ZFHX3: variants seen among roughly 807,000 people sequenced by gnomAD.
The protein encoded by ZFHX3 is zinc finger homeobox 3.
ZFHX3 carries 42 observed loss-of-function variants against 279.1 expected under a neutral mutation model. The ratio of observed to expected loss-of-function variants is 0.15; its 90% CI spans 0.12 to 0.19. ZFHX3 has a LOEUF of 0.19. ZFHX3 is among the 10% of genes least tolerant of loss of function. ZFHX3 has a pLI of 1.00. For synonymous variants in ZFHX3, 2,293 were observed against 1,957.8 expected (o/e 1.17, Z -4.52); for missense variants, 4,981 against 4,754.0 (o/e 1.05, Z -1.40).
chr16:73,545,813 T>A (rs1432747197), intron 2 of ZFHX3, among the ~76,000 whole-genome samples: 1 of 151,896 alleles, frequency 6.6e-6, no homozygotes, highest in African/African-American at 2.4e-5. Context: ...AAAAAAAGTT[T>A]TCCCCTAAAA....
At chr16:73,081,899 C>T (rs1307658796) in intron 8 of ZFHX3, among the ~76,000 whole-genome samples, 1 of 149,694 alleles carries the variant, frequency 6.7e-6, no homozygotes, top group African/African-American at 2.5e-5. Flanking sequence ...TGCGGTGGCA[C>T]GATCTTGGCT....
At chr16:73,856,047 T>C (rs1286070131) in intron 1 of ZFHX3, among the ~76,000 whole-genome samples, 1 of 152,208 alleles carries the variant, frequency 6.6e-6, no homozygotes, top group Non-Finnish European at 1.5e-5. Flanking sequence ...AACATGTACT[T>C]AGTACCATGG....
Position 72,798,133 on chromosome 16 carries a change from A to C in ZFHX3, c.4549T>G (p.Ser1517Ala), listed in dbSNP as rs762812917. 3 of 1,614,044 alleles carry C rather than the reference A, an allele frequency of 1.9e-6. No homozygotes were observed. The Admixed American group carries it at 5.0e-5, about 27-fold the overall frequency. The change falls in exon 9 of 10, where the codon TCG becomes GCG. Residue 1517 changes from serine to alanine, a missense_variant. By Grantham distance (99) the Ser-to-Ala change is moderately conservative. Around this residue, in one of 7 missense-constraint regions of ZFHX3, gnomAD observed 1,751 missense variants for 1,770.0 expected, o/e 0.99. Coordinates refer to ENST00000268489, the MANE Select transcript of ZFHX3 (RefSeq NM_006885.4). ...AGAGCTCTCTTTGGCTCTGAGCCCG[A>C]GTCTTCTTGTACTGACCCAGAGTCA... ...GSDSGSVQED[S>A]GSEPKRALPF...
Position 73,882,739 on chromosome 16 carries a change from T to C in ZFHX3, c.-1608+8912A>G, listed in dbSNP as rs994824357. On this transcript the variant is annotated intron_variant, in intron 1 of 17. Coordinates refer to the ZFHX3 transcript ENST00000641206. ...TTCCCCTTTCCAGCCAGATTCTTAATGGACAGACCTTTTTTTTAAGCTTCT... is the reference window on the plus strand; with the variant it reads ...TTCCCCTTTCCAGCCAGATTCTTAACGGACAGACCTTTTTTTTAAGCTTCT... Among the ~76,000 whole-genome samples the C allele has an allele frequency of 1.2e-4, 18 of 152,288 alleles. No homozygotes were observed. The South Asian group carries it at 3.1e-3, about 26-fold the overall frequency.
At chr16:73,109,607 G>C (rs574190523) in intron 7 of ZFHX3, among the ~76,000 whole-genome samples, 1 of 152,238 alleles carries the variant, frequency 6.6e-6, no homozygotes, top group South Asian at 2.1e-4. Context: ...CCTGTAATTT[G>C]GGAGGCCAAG....
intron 1 of ZFHX3, among the ~76,000 whole-genome samples, chr16:73,800,148 C>A (rs1960101319): frequency 6.6e-6 from 1 of 151,996 alleles, no homozygotes; most frequent in South Asian, 2.1e-4. Flanking sequence ...CCTCATAAGC[C>A]TCAGACATGT....
intron 6 of ZFHX3, among the ~76,000 whole-genome samples, chr16:73,139,925 A>G (rs922259845): frequency 3.3e-5 from 5 of 152,184 alleles, no homozygotes; most frequent in African/African-American, 1.2e-4. Context: ...CTGGTTCTCA[A>G]TCTCTCAGCT....
rs188031228 is a variant in ZFHX3 at position 72,803,257 on chromosome 16, G to A, written c.3865-3128C>T. ...TGAGACAGGAGAATTGCTTGAACCC[G>A]GGAGGCAGAGGTTGCAGTGAGCTGA... On this transcript the variant is annotated intron_variant, in intron 7 of 9. Coordinates refer to ENST00000268489, the MANE Select transcript of ZFHX3 (RefSeq NM_006885.4). 8.0e-3 allele frequency among the ~76,000 whole-genome samples: 1,220 copies of A among 152,258 alleles called. 3 individuals are homozygous for A. The highest frequency in any genetic ancestry group is 0.014 in the Non-Finnish European group (952 of 68,022).
chr16:73,486,437 T>C (rs2018975224), intron 2 of ZFHX3, among the ~76,000 whole-genome samples: 1 of 132,284 alleles, frequency 7.6e-6, no homozygotes, highest in African/African-American at 3.2e-5. Context: ...TTCCTTGCTT[T>C]GTTTGTGTGT....
At chr16:73,429,822 TC>T in intron 3 of ZFHX3, among the ~76,000 whole-genome samples, 1 of 152,202 alleles carries the variant, frequency 6.6e-6, no homozygotes, top group East Asian at 1.9e-4. Flanking sequence ...CCATCCTCGC[TC>T]CCCCACAGAT....
At chr16:73,028,788 G>A (rs1964599222) in intron 1 of ZFHX3, among the ~76,000 whole-genome samples, 1 of 152,140 alleles carries the variant, frequency 6.6e-6, no homozygotes, top group Non-Finnish European at 1.5e-5. Flanking sequence ...ACAGCCCCGG[G>A]GCACCCAAAA....
chr16:73,280,699 C>T (rs1169076750), intron 4 of ZFHX3, among the ~76,000 whole-genome samples: 1 of 151,880 alleles, frequency 6.6e-6, no homozygotes, highest in East Asian at 1.9e-4. Context: ...ATAGAGGTGG[C>T]CAGGCATGGT....
intron 9 of ZFHX3, among the ~76,000 whole-genome samples, chr16:72,792,830 T>C (rs1286991519): frequency 6.6e-6 from 1 of 152,182 alleles, no homozygotes; most frequent in African/African-American, 2.4e-5. Context: ...ATTTAAATGC[T>C]CTTGGACCAG....
chr16:73,708,525 T>C (rs1407043547), intron 1 of ZFHX3, among the ~76,000 whole-genome samples: 1 of 152,224 alleles, frequency 6.6e-6, no homozygotes, highest in East Asian at 1.9e-4. Flanking sequence ...AGAAGAATGT[T>C]CTAGTTCATT....
chr16:73,337,893 G>A (rs1023352168), intron 3 of ZFHX3, among the ~76,000 whole-genome samples: 1 of 25,368 alleles, frequency 3.9e-5, no homozygotes, highest in African/African-American at 6.5e-5. Flanking sequence ...TTCCCTTGGC[G>A]GGGGGGGGGG....
chr16:73,489,460 T>G (rs563556652), intron 2 of ZFHX3, among the ~76,000 whole-genome samples: 2 of 152,182 alleles, frequency 1.3e-5, no homozygotes, highest in Non-Finnish European at 2.9e-5. Flanking sequence ...CCAGCATAAT[T>G]CATAGAAGCA....
intron 1 of ZFHX3, among the ~76,000 whole-genome samples, chr16:73,884,270 A>G (rs891314074): frequency 6.6e-6 from 1 of 152,044 alleles, no homozygotes; most frequent in Admixed American, 6.6e-5. Flanking sequence ...TTATTTTTGT[A>G]TATTATGCTC....
chr16:72,854,877 C>CA (rs2037712875), intron 4 of ZFHX3, among the ~76,000 whole-genome samples: 1 of 102,402 alleles, frequency 9.8e-6, no homozygotes, highest in Non-Finnish European at 1.8e-5. Context: ...TAATTAGTGT[C>CA]AAAATGGAAA....
intron 3 of ZFHX3, among the ~76,000 whole-genome samples, chr16:72,941,766 C>A (rs1366910823): frequency 1.3e-5 from 2 of 152,278 alleles, no homozygotes; most frequent in East Asian, 3.9e-4. Flanking sequence ...CATCCCAAGT[C>A]ACCACCCTAA....
Sources: allele counts gnomAD v4.1 joint callset (sites outside exome capture counted in the v4.1 genomes callset), GRCh38; gene constraint gnomAD v4.1.1; regional missense constraint gnomAD v4.1.1; transcripts MANE v1.5; gene names NCBI Gene and HGNC (gene_info 2026-07-23, HGNC 2026-07-21).